CD2AP: variants seen among roughly 807,000 people sequenced by gnomAD.
CD2AP encodes CD2 associated protein.
Under a neutral mutation model 85.1 loss-of-function variants are expected in CD2AP, and 46 were observed. The observed-to-expected ratio is 0.54, with a 90% CI of 0.43 to 0.69. The LOEUF (loss-of-function observed/expected upper bound fraction) is 0.69. CD2AP is among the 30% of genes least tolerant of loss of function. The probability of loss-of-function intolerance (pLI) is 0.00; values close to 1 mark genes in which losing one functional copy is unlikely to be tolerated. For synonymous variants in CD2AP, 255 were observed against 252.9 expected, an observed-to-expected ratio of 1.01 and a Z score of -0.08; for missense variants, 769 against 729.5, an observed-to-expected ratio of 1.05 and a Z score of -0.62.
chr6:47,505,854 AC>A (rs1280530349), intron 2 of CD2AP, among the ~76,000 whole-genome samples: 35 of 95,822 alleles, frequency 3.7e-4, no homozygotes, highest in African/African-American at 1.7e-3. Flanking sequence ...GGGGGGGCTG[AC>A]CCCCCACCTC....
chr6:47,581,372 C>T (rs893405436), intron 10 of CD2AP, among the ~76,000 whole-genome samples: 14 of 152,104 alleles, frequency 9.2e-5, no homozygotes, highest in African/African-American at 2.7e-4. Context: ...TAATCTGGCT[C>T]TTTGCTTCCA....
At chr6:47,509,365 G>A (rs2113990465) in intron 2 of CD2AP, among the ~76,000 whole-genome samples, 1 of 152,182 alleles carries the variant, frequency 6.6e-6, no homozygotes, top group African/African-American at 2.4e-5. Context: ...GAGACATAAA[G>A]GGAGCCCATG....
At chr6:47,597,795 G>A (rs950113309) in intron 12 of CD2AP, among the ~76,000 whole-genome samples, 1 of 149,672 alleles carries the variant, frequency 6.7e-6, no homozygotes, top group African/African-American at 2.4e-5. Context: ...TGGTGTCGTG[G>A]AGTTTGGGAC....
At chr6:47,576,870 A>G in intron 7 of CD2AP, 139 bp from the exon 8 acceptor site, 1 of 665,676 alleles carries the variant, frequency 1.5e-6, no homozygotes, top group South Asian at 1.8e-5. Context: ...GGTATTGACT[A>G]TAAGTATTTT....
At chr6:47,504,113 A>T (rs906813587) in intron 2 of CD2AP, among the ~76,000 whole-genome samples, 1 of 152,202 alleles carries the variant, frequency 6.6e-6, no homozygotes, top group Non-Finnish European at 1.5e-5. Flanking sequence ...TCAATTACAA[A>T]CTTATAAAAT....
chr6:47,573,997 T>C, intron 5 of CD2AP, 67 bp from the exon 6 acceptor site: 1 of 1,339,370 alleles, frequency 7.5e-7, no homozygotes, highest in South Asian at 1.2e-5. Context: ...AATGTAGACA[T>C]TATGACAGGA....
At chr6:47,527,106 T>TCC (rs11439961) in intron 2 of CD2AP, among the ~76,000 whole-genome samples, 4,908 of 141,616 alleles carry the variant, frequency 0.035, 85 homozygotes, top group African/African-American at 0.055. Flanking sequence ...AATAAAAGAC[T>TCC]CCCCCCCGAT....
chr6:47,563,580 C>T (rs974386673), intron 5 of CD2AP, among the ~76,000 whole-genome samples: 1 of 152,064 alleles, frequency 6.6e-6, no homozygotes, highest in Non-Finnish European at 1.5e-5. Flanking sequence ...AGGAGGGGCA[C>T]CAAACATTTG....
intron 1 of CD2AP, among the ~76,000 whole-genome samples, chr6:47,481,944 A>G (rs547031903): frequency 1.2e-4 from 19 of 152,004 alleles, no homozygotes; most frequent in African/African-American, 4.3e-4. Flanking sequence ...ATTTTTTTGT[A>G]GATACAGGCT....
chr6:47,576,704 A>T, intron 7 of CD2AP, 102 bp downstream of exon 7: 2 of 893,874 alleles, frequency 2.2e-6, no homozygotes, highest in Non-Finnish European at 3.7e-6. Flanking sequence ...TTATTAGAAT[A>T]GCAAATTCTA....
At chr6:47,508,379 A>G (rs1374134514) in intron 2 of CD2AP, among the ~76,000 whole-genome samples, 2 of 152,166 alleles carry the variant, frequency 1.3e-5, no homozygotes, top group Non-Finnish European at 2.9e-5. Context: ...CTCATGAGCC[A>G]ACCTCTGCTA....
intron 2 of CD2AP, among the ~76,000 whole-genome samples, chr6:47,532,139 A>G (rs185542797): frequency 1.2e-3 from 178 of 152,262 alleles, no homozygotes; most frequent in African/African-American, 4.2e-3. Context: ...TATAATCATA[A>G]GAATTTATAA....
rs34297362 is a variant in CD2AP at position 47,513,143 on chromosome 6, CTT to C, written c.165+9718_165+9719del. ...TTGGAGTTCTTTTGAATCTGAATAC[CTT>C]TTTTTTTTTTTTTTCTTCTTTTAAA... On this transcript the variant is annotated intron_variant, in intron 2 of 17. Coordinates refer to ENST00000359314, the MANE Select transcript of CD2AP (RefSeq NM_012120.3). 4.5e-3 allele frequency among the ~76,000 whole-genome samples: 614 copies of C among 136,358 alleles called. 2 individuals are homozygous for C. The highest frequency in any genetic ancestry group is 0.024 in the East Asian group (115 of 4,874). The allele number at this position is 136,358 out of a possible 152,430, so 89.5% of individuals were successfully genotyped here.
chr6:47,533,840 C>T (rs1020124034), intron 3 of CD2AP, 85 bp downstream of exon 3: 3 of 1,402,298 alleles, frequency 2.1e-6, no homozygotes, highest in Non-Finnish European at 2.0e-6. Flanking sequence ...AAAATTAGTT[C>T]AGTCTTTTGT....
At chr6:47,515,902 A>G (rs1766439922) in intron 2 of CD2AP, among the ~76,000 whole-genome samples, 1 of 152,180 alleles carries the variant, frequency 6.6e-6, no homozygotes, top group Non-Finnish European at 1.5e-5. Flanking sequence ...ACTTGACGTA[A>G]AGGAAATTCA....
chr6:47,575,094 A>G (rs1384069901), intron 6 of CD2AP, among the ~76,000 whole-genome samples: 1 of 152,182 alleles, frequency 6.6e-6, no homozygotes, highest in Non-Finnish European at 1.5e-5. Context: ...CTTATGTAGC[A>G]GTGAAGAGTT....
chr6:47,551,515 T>G (rs964024828), intron 4 of CD2AP, among the ~76,000 whole-genome samples: 12 of 152,216 alleles, frequency 7.9e-5, no homozygotes, highest in Admixed American at 7.9e-4. Context: ...ATTATATCCT[T>G]GAAAGTTTTA....
At chr6:47,592,064 G>C (rs963098062) in intron 11 of CD2AP, among the ~76,000 whole-genome samples, 1 of 152,054 alleles carries the variant, frequency 6.6e-6, no homozygotes, top group African/African-American at 2.4e-5. Context: ...ATGAACTCCT[G>C]GCTTCAAGCG....
chr6:47,531,142 A>G (rs958982365), intron 2 of CD2AP, among the ~76,000 whole-genome samples: 1 of 152,114 alleles, frequency 6.6e-6, no homozygotes, highest in African/African-American at 2.4e-5. Context: ...TTTTAAGAGT[A>G]AAAAATTTCT....
Sources: allele counts gnomAD v4.1 joint callset (sites outside exome capture counted in the v4.1 genomes callset), GRCh38; gene constraint gnomAD v4.1.1; transcripts MANE v1.5; gene names NCBI Gene and HGNC (gene_info 2026-07-23, HGNC 2026-07-21).